The following RASSF1 variants were observed in gnomAD, a reference collection of about 807,000 sequenced individuals.
The protein encoded by RASSF1 is Ras association domain family member 1.
Under a neutral mutation model 34.3 loss-of-function variants are expected in RASSF1, and 33 were observed. The ratio of observed to expected loss-of-function variants is 0.96; its 90% CI spans 0.73 to 1.29. The LOEUF (loss-of-function observed/expected upper bound fraction) is 1.29, where lower values mean the gene tolerates loss of function less well. Among genes scored for constraint, RASSF1 ranks in the 50% most tolerant of loss-of-function variants. The pLI, the probability that RASSF1 is intolerant of heterozygous loss-of-function variation, is 0.00. For synonymous variants in RASSF1, 191 were observed against 195.0 expected (o/e 0.98, Z 0.17); for missense variants, 445 against 471.8 (o/e 0.94, Z 0.53).
rs55833676 is a variant in RASSF1 at position 50,331,566 on chromosome 3, G to A, written c.753C>T (p.His251=). 1.8e-3 allele frequency: 2,864 copies of A among 1,588,444 alleles called. 53 individuals carry two copies. In the African/African-American group the frequency reaches 0.035, roughly 20 times the overall value. The change falls in exon 4 of 6, where the codon CAC becomes CAT. Residue 251 remains histidine (H), a synonymous_variant. Coordinates refer to ENST00000359365, the MANE Select transcript of RASSF1 (RefSeq NM_007182.5). ...KFALFERAER[H]GQVYLRKLLD... ...GTGGGGTGGGAAGCCCACCTTGGCC[G>A]TGACGCTCAGCGCGCTCAAAGAGTG... is the stretch of plus-strand genomic sequence containing the variant.
chr3:50,332,189 G>T, intron 2 of RASSF1, 35 bp from the exon 3 acceptor site: 1 of 1,591,846 alleles, frequency 6.3e-7, no homozygotes, highest in Non-Finnish European at 8.6e-7. Context: ...CAGGGCCCTT[G>T]AGGAACCCAG....
In RASSF1 at chr3:50,340,738, C is replaced by T. The variant is rs112677709; in HGVS notation, c.68G>A (p.Arg23His). ...CGCGTTGGCACGCTCCAGCCGGGTG[C>T]GGCCCTTCCCAGCGCGCCCAGCGGG... ...LAPAGRAGKG[R>H]TRLERANALR... The change falls in exon 1 of 6, where the codon CGC (arginine) becomes CAC (histidine). Residue 23 changes from arginine (R) to histidine (H), a missense_variant. Transcript: ENST00000359365. 4.6e-6 allele frequency: 7 copies of T among 1,514,656 alleles called. No individual in the cohort carries two copies. Among genetic ancestry groups the T allele is most frequent in the South Asian group, 3.6e-5 (3 of 82,428 alleles). 93.8% of individuals were successfully genotyped at this position (1,514,656 alleles called of 1,614,324 possible). A position where few individuals can be genotyped will look rare whatever the true frequency, so the allele number is the denominator to read the frequency against.
intron 2 of RASSF1, among the ~76,000 whole-genome samples, chr3:50,334,681 G>A (rs1370897020): frequency 2.6e-5 from 4 of 152,238 alleles, no homozygotes; most frequent in African/African-American, 4.8e-5. Context: ...TGACCCAGGA[G>A]CCCTGGGCTG....
chr3:50,331,974 T>G, intron 3 of RASSF1, 76 bp downstream of exon 3: 2 of 1,577,320 alleles, frequency 1.3e-6, no homozygotes, highest in East Asian at 2.2e-5. Flanking sequence ...TAACCTCAGT[T>G]GTGACCCTCT....
Position 50,340,517 on chromosome 3 carries a change from C to T in RASSF1, c.250+39G>A. 2.1e-6 allele frequency: 3 copies of T among 1,430,244 alleles called. No homozygotes were observed. The South Asian group carries it at 4.3e-5, about 21-fold the overall frequency. The allele number at this position is 1,430,244 out of a possible 1,614,324, so 88.6% of individuals were successfully genotyped here. On this transcript the variant is annotated intron_variant, in intron 1 of 5. Coordinates refer to ENST00000359365, the MANE Select transcript of RASSF1 (RefSeq NM_007182.5). ...CGGCGACTGCGCTGCCCCTTGGCTGCCCCTTCCGCTCTCGTAGGCGCGCGG... is the reference window on the plus strand; with the variant it reads ...CGGCGACTGCGCTGCCCCTTGGCTGTCCCTTCCGCTCTCGTAGGCGCGCGG...
chr3:50,337,852 ACTGTGGC>A, intron 2 of RASSF1, 46 bp downstream of exon 2: 1 of 1,475,190 alleles, frequency 6.8e-7, no homozygotes. Flanking sequence ...GAATGCCTGC[ACTGTGGC>A]CTGCCCATCC....
intron 4 of RASSF1, 45 bp from the exon 5 acceptor site, chr3:50,331,494 C>T (rs775454397): frequency 1.3e-6 from 2 of 1,566,104 alleles, no homozygotes; most frequent in South Asian, 2.3e-5. Context: ...AGCTGCTCAG[C>T]CCCTGCATGC....
intron 1 of RASSF1, among the ~76,000 whole-genome samples, chr3:50,339,615 C>G (rs147944291): frequency 1.3e-5 from 2 of 151,974 alleles, no homozygotes; most frequent in African/African-American, 2.4e-5. Flanking sequence ...GTGATCCACC[C>G]GCCTCCGCCT....
chr3:50,337,524 G>A, intron 2 of RASSF1: 1 of 1,518,038 alleles, frequency 6.6e-7, no homozygotes, highest in Non-Finnish European at 8.8e-7. Flanking sequence ...CGCACGCTTC[G>A]CCCCCAGGAA....
At chr3:50,336,989 C>T in intron 2 of RASSF1, 1 of 856,688 alleles carries the variant, frequency 1.2e-6, no homozygotes, top group Non-Finnish European at 1.7e-6. Context: ...CACCCAGCAT[C>T]TAGGCGGTGG....
chr3:50,338,502 A>C (rs1575548076), intron 1 of RASSF1, among the ~76,000 whole-genome samples: 1 of 151,928 alleles, frequency 6.6e-6, no homozygotes, highest in Non-Finnish European at 1.5e-5. Flanking sequence ...CTGGTCTCAA[A>C]CTCCTGATCT....
At chr3:50,337,008 T>A (rs1234024407) in intron 2 of RASSF1, 1 of 976,456 alleles carries the variant, frequency 1.0e-6, no homozygotes, top group African/African-American at 1.7e-5. Context: ...GGAATCGGGG[T>A]CTTACGCACG....
Position 50,332,103 on chromosome 3 carries a change from G to C in RASSF1, c.409C>G (p.Gln137Glu), listed in dbSNP as rs753994734. Reference sequence around the variant, plus strand: ...TGGGCATTGTACTCCTTGATCTTCTGCTCAATCTCAGCTTGAGAAAGGTCA... The same window carrying C: ...TGGGCATTGTACTCCTTGATCTTCTCCTCAATCTCAGCTTGAGAAAGGTCA... ...TPDLSQAEIE[Q>E]KIKEYNAQIN... Residue 137 changes from glutamine (Q) to glutamate (E), a missense_variant, in exon 3 of 6, where the codon CAG becomes GAG. Transcript: ENST00000359365. 3 of 1,614,190 alleles carry C rather than the reference G, an allele frequency of 1.9e-6. No individual in the cohort carries two copies. Among genetic ancestry groups the C allele is most frequent in the Non-Finnish European group, 2.5e-6 (3 of 1,180,024 alleles).
At chr3:50,336,867 C>T (rs946200188) in intron 2 of RASSF1, 3 of 414,234 alleles carry the variant, frequency 7.2e-6, no homozygotes, top group African/African-American at 4.3e-5. Context: ...GTCCAAACTG[C>T]TCGGTCGGCT....
intron 2 of RASSF1, chr3:50,337,624 TG>T: frequency 9.5e-7 from 1 of 1,053,760 alleles, no homozygotes; most frequent in Non-Finnish European, 1.3e-6. Context: ...CGCACAAGAG[TG>T]GCCTCTGGCC....
chr3:50,338,237 CT>C, intron 1 of RASSF1: 1 of 1,366,070 alleles, frequency 7.3e-7, no homozygotes, highest in East Asian at 2.7e-5. Context: ...ACAGTTGGAT[CT>C]CTATCGCCTA....
Position 50,332,093 on chromosome 3 carries a change from T to C in RASSF1, c.419A>G (p.Lys140Arg), listed in dbSNP as rs904810243. 2.6e-5 allele frequency: 42 copies of C among 1,614,070 alleles called. No individual in the cohort carries two copies. Among genetic ancestry groups the C allele is most frequent in the Non-Finnish European group, 3.5e-5 (41 of 1,180,046 alleles). The change falls in exon 3 of 6, where the codon AAG (lysine) becomes AGG (arginine). Residue 140 changes from lysine (K) to arginine (R), a missense_variant. Lys to Arg is a conservative substitution (Grantham distance 26). Transcript: ENST00000359365. ...GCTGTTGATCTGGGCATTGTACTCC[T>C]TGATCTTCTGCTCAATCTCAGCTTG... ...LSQAEIEQKI[K>R]EYNAQINSNL...
At chr3:50,338,110 G>A (rs1190236608) in intron 1 of RASSF1, 99 bp from the exon 2 acceptor site, 8 of 1,505,470 alleles carry the variant, frequency 5.3e-6, no homozygotes, top group Non-Finnish European at 7.1e-6. Flanking sequence ...TGCTCGCCAG[G>A]CTCCGCAGGC....
At chr3:50,331,271 C>T (rs1271181401) in intron 5 of RASSF1, 63 bp downstream of exon 5, 1 of 1,263,092 alleles carries the variant, frequency 7.9e-7, no homozygotes, top group Non-Finnish European at 1.1e-6. Flanking sequence ...CCAAGCCTTA[C>T]TGTAGCTACA....
Sources: gnomAD v4.1 joint callset for allele counts (sites outside exome capture counted in the v4.1 genomes callset) on GRCh38, gnomAD v4.1.1 for gene constraint, MANE v1.5 for transcripts, NCBI Gene and HGNC (gene_info 2026-07-23, HGNC 2026-07-21) for gene names.